ARHGAP8: variants seen among roughly 807,000 people sequenced by gnomAD.
ARHGAP8 encodes Rho GTPase activating protein 8.
In ARHGAP8, 62 loss-of-function variants were observed where a neutral mutation model predicts 46.1. The ratio of observed to expected loss-of-function variants is 1.34; its 90% CI spans 1.10 to 1.66. The LOEUF is 1.66. Ranked by LOEUF, ARHGAP8 falls within the 40% of genes most tolerant of loss-of-function variation. The probability of loss-of-function intolerance (pLI) is 0.00; values close to 1 mark genes in which losing one functional copy is unlikely to be tolerated. For synonymous variants in ARHGAP8, 375 were observed against 243.1 expected (o/e 1.54, Z -5.05); for missense variants, 923 against 568.4 (o/e 1.62, Z -6.34).
chr22:44,800,110 T>TG, intron 2 of ARHGAP8, among the ~76,000 whole-genome samples: 1 of 99,772 alleles, frequency 1.0e-5, no homozygotes, highest in East Asian at 5.6e-4. Context: ...CTTTTTTTTT[T>TG]TTTTTTTTTT....
intron 4 of ARHGAP8, among the ~76,000 whole-genome samples, chr22:44,813,564 A>G (rs997212192): frequency 6.6e-6 from 1 of 151,860 alleles, no homozygotes; most frequent in African/African-American, 2.4e-5. Flanking sequence ...ACATACACCT[A>G]CATACAACTA....
intron 10 of ARHGAP8, among the ~76,000 whole-genome samples, chr22:44,858,363 G>A (rs1338039847): frequency 8.2e-6 from 1 of 121,440 alleles, no homozygotes; most frequent in Non-Finnish European, 1.7e-5. Context: ...TTGTTGGTTG[G>A]TGGTGGTTTT....
chr22:44,789,343 G>T (rs1927497619), intron 2 of ARHGAP8, among the ~76,000 whole-genome samples: 2 of 152,056 alleles, frequency 1.3e-5, no homozygotes, highest in Admixed American at 6.6e-5. Context: ...CAGAGACAGG[G>T]TTTTGCCATG....
chr22:44,779,763 T>G (rs1030574781), intron 1 of ARHGAP8, among the ~76,000 whole-genome samples: 3 of 151,884 alleles, frequency 2.0e-5, no homozygotes, highest in African/African-American at 7.3e-5. Context: ...GAGATGGGGT[T>G]TCACTGTATT....
Position 44,859,714 on chromosome 22 carries a change from G to GC in ARHGAP8, c.878-13dup. The GC allele has an allele frequency of 1.9e-6, 3 of 1,612,240 alleles. No individual in the cohort carries two copies. The highest frequency in any genetic ancestry group is 2.5e-6 in the Non-Finnish European group (3 of 1,179,842). ...TGGCCCCTCTGGAGCTCAGCAGGGA[G>GC]CCCCATGCCCTTCCAGGTGTGGAGA... On this transcript the variant is annotated splice_polypyrimidine_tract_variant and intron_variant, in intron 10 of 11. Transcript: ENST00000356099.
intron 1 of ARHGAP8, among the ~76,000 whole-genome samples, chr22:44,780,981 G>A (rs6007287): frequency 0.073 from 11,180 of 152,160 alleles, 863 homozygotes; most frequent in African/African-American, 0.2. Context: ...GGCCAAGCTG[G>A]GAGGAGAGCC....
chr22:44,797,667 A>G (rs1602189400), intron 2 of ARHGAP8, among the ~76,000 whole-genome samples: 1 of 152,348 alleles, frequency 6.6e-6, no homozygotes, highest in East Asian at 1.9e-4. Context: ...GGCTCCTGGG[A>G]AGAATCAGAT....
intron 7 of ARHGAP8, among the ~76,000 whole-genome samples, chr22:44,836,514 T>C (rs1187504577): frequency 6.6e-6 from 1 of 151,506 alleles, no homozygotes; most frequent in Non-Finnish European, 1.5e-5. Context: ...AGTGATGCAG[T>C]GAGTGGGCTT....
chr22:44,841,968 C>T (rs1025834437), intron 7 of ARHGAP8, among the ~76,000 whole-genome samples: 6 of 152,138 alleles, frequency 3.9e-5, no homozygotes, highest in African/African-American at 9.7e-5. Flanking sequence ...GCACCAGGTG[C>T]GGGGAGCACT....
chr22:44,848,304 C>G (rs1406839030), intron 9 of ARHGAP8, among the ~76,000 whole-genome samples: 1 of 152,204 alleles, frequency 6.6e-6, no homozygotes, highest in African/African-American at 2.4e-5. Flanking sequence ...TAGGGTCTCT[C>G]CATCCACACC....
chr22:44,851,615 AAGAGTTTGAGTC>A (rs1331569687), intron 10 of ARHGAP8, among the ~76,000 whole-genome samples: 10 of 147,420 alleles, frequency 6.8e-5, no homozygotes, highest in Non-Finnish European at 1.5e-4. Flanking sequence ...ACTTGAGTCC[AAGAGTTTGAGTC>A]CAAGAGTTTG....
intron 11 of ARHGAP8, 92 bp from the exon 12 acceptor site, chr22:44,862,183 C>A (rs112385925): frequency 6.8e-7 from 1 of 1,464,254 alleles, no homozygotes; most frequent in Admixed American, 2.2e-5. Context: ...CCTCTCACTA[C>A]ACCTACGCCT....
intron 1 of ARHGAP8, among the ~76,000 whole-genome samples, chr22:44,762,002 G>T (rs1925168174): frequency 1.3e-5 from 2 of 152,196 alleles, no homozygotes; most frequent in Non-Finnish European, 1.5e-5. Flanking sequence ...CTCCCACCAG[G>T]TCCCTCCCAT....
At chr22:44,808,232 A>G (rs1929069568) in intron 3 of ARHGAP8, 75 bp from the exon 4 acceptor site, 2 of 1,559,820 alleles carry the variant, frequency 1.3e-6, no homozygotes, top group South Asian at 1.2e-5. Context: ...CATAGCTTCC[A>G]TTATAGGGAA....
intron 10 of ARHGAP8, among the ~76,000 whole-genome samples, chr22:44,853,238 T>C (rs1264748610): frequency 1.3e-5 from 2 of 152,206 alleles, no homozygotes; most frequent in East Asian, 3.9e-4. Flanking sequence ...TAGATGTCTT[T>C]GGTGATGGCA....
intron 4 of ARHGAP8, 135 bp downstream of exon 4, chr22:44,808,573 G>A: frequency 6.8e-7 from 1 of 1,480,764 alleles, no homozygotes; most frequent in East Asian, 2.5e-5. Flanking sequence ...GTGAGCAAAT[G>A]TGGGGCAGTG....
At chr22:44,854,274 T>C (rs1601524682) in intron 10 of ARHGAP8, among the ~76,000 whole-genome samples, 5 of 150,674 alleles carry the variant, frequency 3.3e-5, no homozygotes, top group Admixed American at 3.3e-4. Context: ...TCTTGCTTTG[T>C]TGCCCAGGTT....
intron 2 of ARHGAP8, among the ~76,000 whole-genome samples, chr22:44,793,767 T>G (rs2147063486): frequency 6.6e-6 from 1 of 152,334 alleles, no homozygotes; most frequent in Non-Finnish European, 1.5e-5. Flanking sequence ...ATTCATCTGA[T>G]GCCTTGCAGA....
intron 4 of ARHGAP8, among the ~76,000 whole-genome samples, chr22:44,812,530 T>A (rs543860677): frequency 2.0e-5 from 3 of 151,962 alleles, no homozygotes; most frequent in Non-Finnish European, 2.9e-5. Context: ...CTAATTTTTG[T>A]ATTTTTAGTG....
Sources: allele counts gnomAD v4.1 joint callset (sites outside exome capture counted in the v4.1 genomes callset), GRCh38; gene constraint gnomAD v4.1.1; transcripts MANE v1.5; gene names NCBI Gene and HGNC (gene_info 2026-07-23, HGNC 2026-07-21).